The following GFRA1 variants were observed in gnomAD, a reference collection of about 807,000 sequenced individuals.
GFRA1 encodes the protein GDNF family receptor alpha 1, also known as GDNF family receptor alpha-1.
Under a neutral mutation model 51.6 loss-of-function variants are expected in GFRA1, and 16 were observed. The observed-to-expected ratio is 0.31, with a 90% CI of 0.21 to 0.47. GFRA1 has a LOEUF of 0.47. Ranked by LOEUF, GFRA1 falls within the 20% of genes least tolerant of loss-of-function variation. The pLI is 1.00. For missense variants in GFRA1, 530 were observed against 594.3 expected, an observed-to-expected ratio of 0.89 and a Z score of 1.13; for synonymous variants, 270 against 241.3, an observed-to-expected ratio of 1.12 and a Z score of -1.10.
intron 4 of GFRA1, among the ~76,000 whole-genome samples, chr10:116,233,543 G>A (rs7068396): frequency 5.5e-4 from 84 of 152,184 alleles, no homozygotes; most frequent in African/African-American, 1.9e-3. Context: ...AAGGCCCCTT[G>A]TTTTGAGCAC....
chr10:116,257,140 T>TC (rs1243694036), intron 4 of GFRA1, among the ~76,000 whole-genome samples: 1 of 152,112 alleles, frequency 6.6e-6, no homozygotes. Context: ...ATCCACAGGG[T>TC]CCCAATGAAC....
chr10:116,137,361 T>C (rs1323274538), intron 5 of GFRA1, among the ~76,000 whole-genome samples: 1 of 152,130 alleles, frequency 6.6e-6, no homozygotes, highest in Non-Finnish European at 1.5e-5. Context: ...GCCCTCACAG[T>C]GCGGATTTCA....
At chr10:116,168,162 A>G (rs1386148512) in intron 5 of GFRA1, among the ~76,000 whole-genome samples, 1 of 133,324 alleles carries the variant, frequency 7.5e-6, no homozygotes, top group African/African-American at 2.9e-5. Flanking sequence ...TTTTTTTTTT[A>G]GGTCAGACAG....
At chr10:116,134,587 T>TAC (rs1958242607) in intron 5 of GFRA1, among the ~76,000 whole-genome samples, 1 of 152,258 alleles carries the variant, frequency 6.6e-6, no homozygotes, top group Admixed American at 6.5e-5. Context: ...TTGTCATTCG[T>TAC]ACACTGTTTC....
chr10:116,209,770 G>A (rs768041995), intron 5 of GFRA1, among the ~76,000 whole-genome samples: 37 of 152,042 alleles, frequency 2.4e-4, no homozygotes, highest in Middle Eastern at 3.4e-3. Flanking sequence ...AACATTTTAC[G>A]GAGCAATATT....
At chr10:116,076,956 C>T (rs1955643877) in intron 9 of GFRA1, among the ~76,000 whole-genome samples, 1 of 152,134 alleles carries the variant, frequency 6.6e-6, no homozygotes, top group Admixed American at 6.5e-5. Context: ...ACTTGTATTA[C>T]TCGTAATGAG....
chr10:116,196,588 CT>C (rs1457162983), intron 5 of GFRA1, among the ~76,000 whole-genome samples: 1 of 12,804 alleles, frequency 7.8e-5, no homozygotes, highest in African/African-American at 1.3e-4. Context: ...ATATATAGTA[CT>C]ATATATAATA....
At chr10:116,158,685 G>T (rs932585622) in intron 5 of GFRA1, among the ~76,000 whole-genome samples, 1 of 152,180 alleles carries the variant, frequency 6.6e-6, no homozygotes, top group African/African-American at 2.4e-5. Flanking sequence ...GGATGCTGGA[G>T]GCCACCACAA....
At chr10:116,265,563 C>T (rs1969589720) in intron 4 of GFRA1, among the ~76,000 whole-genome samples, 1 of 152,216 alleles carries the variant, frequency 6.6e-6, no homozygotes. Context: ...GTTCATCATC[C>T]TTTCAAATCC....
chr10:116,177,740 T>C (rs1961771453), intron 5 of GFRA1, among the ~76,000 whole-genome samples: 1 of 152,168 alleles, frequency 6.6e-6, no homozygotes, highest in Admixed American at 6.5e-5. Flanking sequence ...AATATCCCTA[T>C]AACTTAATAA....
At chr10:116,065,904 G>A (rs905034383) in intron 9 of GFRA1, among the ~76,000 whole-genome samples, 1 of 152,120 alleles carries the variant, frequency 6.6e-6, no homozygotes, top group African/African-American at 2.4e-5. Flanking sequence ...CATACTAAGT[G>A]TTCAAAATCT....
At chr10:116,273,494 C>G (rs1844100379), upstream of GFRA1, 1 of 152,444 alleles carries the variant, frequency 6.6e-6, no homozygotes, top group African/African-American at 2.4e-5. Flanking sequence ...CCTGTTCCCG[C>G]CGCTCCGCAG....
At chr10:116,220,290 C>T (rs12766388) in intron 4 of GFRA1, among the ~76,000 whole-genome samples, 56,017 of 152,010 alleles carry the variant, frequency 0.37, 12,213 homozygotes, top group East Asian at 0.55. Context: ...AATCCCCCAA[C>T]GCACCCACCC....
Position 116,272,397 on chromosome 10 carries a change from C to T in GFRA1, c.-246-122G>A, listed in dbSNP as rs914482829. On this transcript the variant is annotated intron_variant, in intron 1 of 10. Coordinates refer to ENST00000355422, the MANE Select transcript of GFRA1 (RefSeq NM_005264.8). The surrounding 1 kb of genome is among the most constrained non-coding windows in gnomAD (Gnocchi z 4.4). ...TTCCAACACCGGGGTGAGGACCCAC[C>T]CCCACCCAGGTCGGGGTGCATGTGC... 52 of 384,364 alleles carry T rather than the reference C, an allele frequency of 1.4e-4. 1 individual carries two copies. Among genetic ancestry groups the T allele is most frequent in the African/African-American group, 1.0e-3 (49 of 48,874 alleles). 23.8% of individuals were successfully genotyped at this position (384,364 alleles called of 1,614,324 possible).
rs1565547317 is a variant in GFRA1, at chr10:116,064,362, C to G, written c.*36G>C. The stretch of plus-strand genomic sequence containing the variant: ...AGGAAACAGATAACTTGGTTTTTGT[C>G]TTTTTACATGTCCATATTGTATTTT... On this transcript the variant is annotated 3_prime_UTR_variant, in exon 11 of 11. Coordinates refer to ENST00000355422, the MANE Select transcript of GFRA1 (RefSeq NM_005264.8). 2 of 1,593,410 alleles carry G rather than the reference C, an allele frequency of 1.3e-6. No individual in the cohort carries two copies. Among genetic ancestry groups the G allele is most frequent in the African/African-American group, 2.7e-5 (2 of 74,328 alleles).
chr10:116,125,584 G>A, intron 5 of GFRA1, 27 bp from the exon 6 acceptor site: 1 of 1,560,094 alleles, frequency 6.4e-7, no homozygotes, highest in Non-Finnish European at 8.8e-7. Context: ...AGACAGGCAT[G>A]GTCACAGTGC....
At chr10:116,243,338 G>A (rs901731890) in intron 4 of GFRA1, among the ~76,000 whole-genome samples, 1 of 152,010 alleles carries the variant, frequency 6.6e-6, no homozygotes, top group Admixed American at 6.6e-5. Flanking sequence ...ATCACAGGAA[G>A]TATTCAATAA....
At chr10:116,228,488 C>A (rs770371871) in intron 4 of GFRA1, among the ~76,000 whole-genome samples, 81 of 152,234 alleles carry the variant, frequency 5.3e-4, no homozygotes, top group Non-Finnish European at 9.3e-4. Context: ...CTTTACATGG[C>A]AAATGAGACT....
At chr10:116,211,957 C>T (rs926141236) in intron 4 of GFRA1, among the ~76,000 whole-genome samples, 1 of 151,986 alleles carries the variant, frequency 6.6e-6, no homozygotes, top group African/African-American at 2.4e-5. Context: ...AGACCAGTGC[C>T]CAGTACATAG....
Sources: gnomAD v4.1 joint callset for allele counts (sites outside exome capture counted in the v4.1 genomes callset) on GRCh38, gnomAD v4.1.1 for gene constraint, Gnocchi (gnomAD v3.1) non-coding constraint, MANE v1.5 for transcripts, NCBI Gene and HGNC (gene_info 2026-07-23, HGNC 2026-07-21) for gene names.